The following CRK variants were observed in gnomAD, a reference collection of about 807,000 sequenced individuals.
CRK encodes the protein CRK proto-oncogene, adaptor protein.
In CRK, 4 loss-of-function variants were observed where a neutral mutation model predicts 29.8. The ratio of observed to expected loss-of-function variants is 0.13; its 90% CI spans 0.07 to 0.31. The LOEUF (loss-of-function observed/expected upper bound fraction) is 0.31, where lower values mean the gene tolerates loss of function less well. Among genes scored for constraint, CRK ranks in the 10% least tolerant of loss-of-function variants. The pLI is 1.00. For synonymous variants in CRK, 153 were observed against 164.9 expected (o/e 0.93, Z 0.55); for missense variants, 274 against 396.5 (o/e 0.69, Z 2.62).
At chr17:1,437,448 CCAA>C (rs1002150878) in intron 1 of CRK, among the ~76,000 whole-genome samples, 7 of 152,068 alleles carry the variant, frequency 4.6e-5, no homozygotes, top group African/African-American at 1.4e-4. Flanking sequence ...TCACAGCACA[CCAA>C]CATCACATTT....
At chr17:1,423,782 C>T in intron 2 of CRK, 132 bp from the exon 3 acceptor site, 1 of 1,091,496 alleles carries the variant, frequency 9.2e-7, no homozygotes, top group South Asian at 1.7e-5. Flanking sequence ...CATTTGCTGC[C>T]TCCCCAGCCC....
At chr17:1,447,932 T>C (rs2073987595) in intron 1 of CRK, among the ~76,000 whole-genome samples, 1 of 152,074 alleles carries the variant, frequency 6.6e-6, no homozygotes, top group African/African-American at 2.4e-5. Context: ...TTCCCTTTTT[T>C]CCTCAATTCT....
At chr17:1,431,881 G>T (rs905139154) in intron 2 of CRK, among the ~76,000 whole-genome samples, 2 of 152,206 alleles carry the variant, frequency 1.3e-5, no homozygotes, top group African/African-American at 4.8e-5. Flanking sequence ...ACTAATCAGT[G>T]AATGTAGTAA....
rs764243958 is a variant in CRK, at chr17:1,436,644, G to A, written c.753C>T (p.Tyr251=). ...RVIQKRVPNA[Y]DKTALALEVG... is the part of the protein sequence containing the mutation. ...CCTCCAAAGCCAAGGCTGTCTTGTC[G>A]TAGGCATTGGGGACTCGCTTCTGGA... Residue 251 remains tyrosine, a synonymous_variant, in exon 2 of 3, where the codon TAC becomes TAT. Coordinates refer to ENST00000300574, the MANE Select transcript of CRK (RefSeq NM_016823.4). The A allele has an allele frequency of 6.2e-6, 10 of 1,608,538 alleles. No individual in the cohort carries two copies. Among genetic ancestry groups the A allele is most frequent in the South Asian group, 1.1e-5 (1 of 90,420 alleles).
At chr17:1,441,420 C>G (rs2073934152) in intron 1 of CRK, among the ~76,000 whole-genome samples, 1 of 152,168 alleles carries the variant, frequency 6.6e-6, no homozygotes, top group East Asian at 1.9e-4. Context: ...TCTCAAACTC[C>G]TGGGCTCAAG....
intron 1 of CRK, among the ~76,000 whole-genome samples, chr17:1,438,982 C>T (rs1229128054): frequency 2.0e-5 from 3 of 152,080 alleles, no homozygotes; most frequent in Non-Finnish European, 4.4e-5. Flanking sequence ...TACAGGCACA[C>T]GCCACCACGC....
At position 1,430,248 on chromosome 17, in the gene CRK, TAGTC is replaced by T. The variant is rs575865432; in HGVS notation, c.777+6368_777+6371del. On this transcript the variant is annotated intron_variant, in intron 2 of 2. Transcript: ENST00000300574. ...TCATAGAAATGGAGTTTCAAAATGTTAGTCAGGCTGGTCTCGAATTCCTGACCTC... is the reference window on the plus strand; with the variant it reads ...TCATAGAAATGGAGTTTCAAAATGTTAGGCTGGTCTCGAATTCCTGACCTC... Among the ~76,000 whole-genome samples the T allele has an allele frequency of 8.4e-4, 127 of 152,036 alleles. 1 individual carries two copies. In the East Asian group the frequency reaches 0.014, roughly 17 times the overall value.
chr17:1,443,899 A>G (rs2073954198), intron 1 of CRK, among the ~76,000 whole-genome samples: 1 of 148,774 alleles, frequency 6.7e-6, no homozygotes, highest in Non-Finnish European at 1.5e-5. Flanking sequence ...ATGGAGTTTC[A>G]CCATATTGGC....
rs575086816 is a variant in CRK, at chr17:1,455,726, A to C, written c.241+151T>G. 141 of 1,192,068 alleles carry C rather than the reference A, an allele frequency of 1.2e-4. No individual in the cohort carries two copies. The African/African-American group carries it at 2.2e-3, about 18-fold the overall frequency. The allele number at this position is 1,192,068 out of a possible 1,614,324, so 73.8% of individuals were successfully genotyped here. The stretch of plus-strand genomic sequence containing the variant: ...CCCACACTCCTGCTCCCCGGGTGAG[A>C]GCGAGCCCGAGCAGCCGGCGGGCCC... On this transcript the variant is annotated intron_variant, in intron 1 of 2. Transcript: ENST00000300574.
chr17:1,428,655 C>G (rs1240784885), intron 2 of CRK, among the ~76,000 whole-genome samples: 2 of 150,298 alleles, frequency 1.3e-5, no homozygotes, highest in Non-Finnish European at 3.0e-5. Flanking sequence ...TCCTGAGTAG[C>G]TGGGACTACA....
intron 1 of CRK, among the ~76,000 whole-genome samples, chr17:1,438,419 A>C (rs1375962423): frequency 2.0e-5 from 3 of 152,136 alleles, no homozygotes; most frequent in Non-Finnish European, 4.4e-5. Context: ...GATGAGCCAC[A>C]GTGCCTGGCC....
At chr17:1,449,755 A>G (rs1417023094) in intron 1 of CRK, among the ~76,000 whole-genome samples, 1 of 152,152 alleles carries the variant, frequency 6.6e-6, no homozygotes, top group Non-Finnish European at 1.5e-5. Flanking sequence ...TGACCAGTAG[A>G]CTTGGCCAAG....
chr17:1,451,192 CAAA>C (rs10691537), intron 1 of CRK, among the ~76,000 whole-genome samples: 26 of 66,956 alleles, frequency 3.9e-4, no homozygotes, highest in Non-Finnish European at 4.7e-4. Flanking sequence ...GAAACTGTCT[CAAA>C]AAAAAAAAAA....
intron 1 of CRK, among the ~76,000 whole-genome samples, chr17:1,443,978 G>A (rs1225116481): frequency 1.3e-5 from 2 of 151,654 alleles, no homozygotes; most frequent in Non-Finnish European, 2.9e-5. Flanking sequence ...GGGATTACAG[G>A]CGTGAGCCAC....
In CRK at chr17:1,423,015, C is replaced by A; in HGVS notation, c.*498G>T. ...TAGGATCTGAAATGTCAGAATGAGT[C>A]ACACGCTGGTCATGCTCCATACAAT... is the stretch of plus-strand genomic sequence containing the variant. On this transcript the variant is annotated 3_prime_UTR_variant, in exon 3 of 3. Coordinates refer to ENST00000300574, the MANE Select transcript of CRK (RefSeq NM_016823.4). 2.5e-6 allele frequency: 1 copy of A among 399,292 alleles called. No homozygotes were observed. Among genetic ancestry groups the A allele is most frequent in the South Asian group, 1.3e-4 (1 of 7,866 alleles). 24.7% of individuals were successfully genotyped at this position (399,292 alleles called of 1,614,324 possible). A position where few individuals can be genotyped will look rare whatever the true frequency, so the allele number is the denominator to read the frequency against.
chr17:1,431,836 CA>C (rs1246244986), intron 2 of CRK, among the ~76,000 whole-genome samples: 1 of 152,134 alleles, frequency 6.6e-6, no homozygotes, highest in African/African-American at 2.4e-5. Context: ...GTGCTTGCCC[CA>C]GAACTGTTAC....
intron 2 of CRK, among the ~76,000 whole-genome samples, chr17:1,427,030 CAAAAAAAAAAAAAAAAAAAAAAAAAAAA>C (rs562515421): frequency 2.8e-5 from 1 of 35,290 alleles, no homozygotes; most frequent in Non-Finnish European, 4.8e-5. Context: ...AAACTGTCTC[CAAAAAAAAAAAAAAAAAAAAAAAAAAAA>C]AAAAAAAAAA....
chr17:1,448,774 T>G (rs1187780911), intron 1 of CRK, among the ~76,000 whole-genome samples: 1 of 151,924 alleles, frequency 6.6e-6, no homozygotes, highest in African/African-American at 2.4e-5. Context: ...CCACAGGATC[T>G]CAAGATGCTT....
At chr17:1,442,115 C>T (rs1450484857) in intron 1 of CRK, among the ~76,000 whole-genome samples, 2 of 151,052 alleles carry the variant, frequency 1.3e-5, no homozygotes, top group East Asian at 1.9e-4. Context: ...CCTCTGCCTC[C>T]GAAAGTGCTG....
Sources: allele counts gnomAD v4.1 joint callset (sites outside exome capture counted in the v4.1 genomes callset), GRCh38; gene constraint gnomAD v4.1.1; transcripts MANE v1.5; gene names NCBI Gene and HGNC (gene_info 2026-07-23, HGNC 2026-07-21).